SLC9A8: variants seen among roughly 807,000 people sequenced by gnomAD.
SLC9A8 encodes sodium/hydrogen exchanger 8.
Under a neutral mutation model 66.6 loss-of-function variants are expected in SLC9A8, and 48 were observed. The ratio of observed to expected loss-of-function variants is 0.72; its 90% CI spans 0.57 to 0.92. SLC9A8 has a LOEUF of 0.92. Ranked by LOEUF, SLC9A8 falls within the 40% of genes least tolerant of loss-of-function variation. The pLI is 0.00. For missense variants in SLC9A8, 599 were observed against 747.3 expected, an observed-to-expected ratio of 0.80 and a Z score of 2.31; for synonymous variants, 274 against 282.6, an observed-to-expected ratio of 0.97 and a Z score of 0.31.
chr20:49,839,419 G>T, intron 3 of SLC9A8, 122 bp from the exon 4 acceptor site: 1 of 547,474 alleles, frequency 1.8e-6, no homozygotes. Flanking sequence ...ACAAAACGAA[G>T]CTGTGCCCCA....
At position 49,845,033 on chromosome 20, in the gene SLC9A8, C is replaced by T. The variant is rs2146588812; in HGVS notation, c.349-3C>T. ...CCTTAAGATACTCATTTTCTATTTA[C>T]AGGAAGAAGAAATGTTTCGTCCAAA... On this transcript the variant is annotated splice_polypyrimidine_tract_variant and splice_region_variant and intron_variant, in intron 4 of 15. Coordinates refer to ENST00000361573, the MANE Select transcript of SLC9A8 (RefSeq NM_015266.3). 6.2e-7 allele frequency: 1 copy of T among 1,605,360 alleles called. No individual in the cohort carries two copies. The highest frequency in any genetic ancestry group is 8.5e-7 in the Non-Finnish European group (1 of 1,172,124).
chr20:49,835,435 C>T (rs1362268422), intron 3 of SLC9A8, among the ~76,000 whole-genome samples: 1 of 152,138 alleles, frequency 6.6e-6, no homozygotes, highest in East Asian at 1.9e-4. Context: ...GTTGTACTAC[C>T]ATCACCTCTA....
chr20:49,855,606 CTT>C (rs771885884), intron 8 of SLC9A8, 25 bp downstream of exon 8: 5 of 1,608,434 alleles, frequency 3.1e-6, no homozygotes, highest in Admixed American at 1.7e-5. Context: ...AGAGAACAGA[CTT>C]TTTTCATGTG....
rs1298073145 is a variant in SLC9A8, at chr20:49,815,038, C to T, written c.57C>T (p.Phe19=). The change falls in exon 2 of 16, where the codon TTC becomes TTT. Residue 19 remains phenylalanine (F), a synonymous_variant. Coordinates refer to ENST00000361573, the MANE Select transcript of SLC9A8 (RefSeq NM_015266.3). ...ERFPNTTHEG[F]NVTLHTTLVV... ...TCCCCAATACAACTCATGAGGGTTT[C>T]AATGTCACCCTCCACACCACCCTGG... 6.3e-7 allele frequency: 1 copy of T among 1,599,422 alleles called. No individual in the cohort carries two copies. The highest frequency in any genetic ancestry group is 8.5e-7 in the Non-Finnish European group (1 of 1,172,498).
At chr20:49,828,362 G>A (rs1020105016) in intron 3 of SLC9A8, among the ~76,000 whole-genome samples, 7 of 151,536 alleles carry the variant, frequency 4.6e-5, no homozygotes, top group East Asian at 3.9e-4. Context: ...GATTACAGGC[G>A]TGAGCTAATG....
chr20:49,878,062 T>C lies in SLC9A8; in HGVS notation c.1157T>C (p.Ile386Thr), dbSNP rs1380747704. The change falls in exon 12 of 16, where the codon ATA becomes ACA. Residue 386 changes from isoleucine to threonine, a missense_variant and splice_region_variant. Transcript: ENST00000361573. ...GAAATTTCCTTTGTCATCTGGTGCA[T>C]AGTAAGTATTTTCCTTTTTTTTTTT... ...KFEISFVIWC[I>T]VLVLFGRAVN... is the part of the protein sequence containing the mutation. 3 of 1,569,392 alleles carry C rather than the reference T, an allele frequency of 1.9e-6. No individual in the cohort carries two copies. The highest frequency in any genetic ancestry group is 2.8e-5 in the African/African-American group (2 of 72,708).
intron 2 of SLC9A8, 35 bp from the exon 3 acceptor site, chr20:49,823,026 T>A: frequency 6.4e-7 from 1 of 1,563,724 alleles, no homozygotes; most frequent in South Asian, 1.1e-5. Flanking sequence ...ATTGAGTGTT[T>A]TTTTTAAAAC....
At position 49,888,035 on chromosome 20, in the gene SLC9A8, C is replaced by T. The variant is rs1449166525; in HGVS notation, c.*99C>T. The T allele has an allele frequency of 5.3e-6, 5 of 937,676 alleles. No individual in the cohort carries two copies. In the Admixed American group the frequency reaches 5.9e-5, roughly 11 times the overall value. 58.1% of individuals were successfully genotyped at this position (937,676 alleles called of 1,614,324 possible). A position where few individuals can be genotyped will look rare whatever the true frequency, so the allele number is the denominator to read the frequency against. Reference sequence around the variant, plus strand: ...TCGCAGAGATGCGTGCATCCAGCAGCCCCTTCAAGACATAAGAGGGCGGGG... The same window carrying T: ...TCGCAGAGATGCGTGCATCCAGCAGTCCCTTCAAGACATAAGAGGGCGGGG... On this transcript the variant is annotated 3_prime_UTR_variant, in exon 16 of 16. Transcript: ENST00000361573.
intron 1 of SLC9A8, among the ~76,000 whole-genome samples, chr20:49,814,486 C>T (rs1600611014): frequency 6.6e-6 from 1 of 152,008 alleles, no homozygotes; most frequent in African/African-American, 2.4e-5. Context: ...TGGGTAAATT[C>T]GGGTGTGGTA....
At chr20:49,876,582 G>A (rs931062039) in intron 11 of SLC9A8, among the ~76,000 whole-genome samples, 1 of 152,120 alleles carries the variant, frequency 6.6e-6, no homozygotes, top group African/African-American at 2.4e-5. Flanking sequence ...AAAAATTGTC[G>A]AATTTTGACA....
At chr20:49,858,968 AAG>A (rs1306998493) in intron 8 of SLC9A8, among the ~76,000 whole-genome samples, 1 of 114,526 alleles carries the variant, frequency 8.7e-6, no homozygotes. Context: ...AAAAAAAAAA[AAG>A]AAAGAAAAGA....
At position 49,859,817 on chromosome 20, in the gene SLC9A8, A is replaced by T. The variant is rs142328357; in HGVS notation, c.714-3112A>T. Among the ~76,000 whole-genome samples the T allele has an allele frequency of 3.9e-3, 596 of 152,336 alleles. 6 individuals are homozygous for T. Among genetic ancestry groups the T allele is most frequent in the African/African-American group, 0.014 (573 of 41,570 alleles). On this transcript the variant is annotated intron_variant, in intron 8 of 15. Transcript: ENST00000361573. ...TTTTCTCCAGCTACAGCTTAAGCTC[A>T]TGAAATGGACCCTGAAGCAATACTC... is the stretch of plus-strand genomic sequence containing the variant.
chr20:49,846,744 T>A (rs2088013115), intron 5 of SLC9A8, among the ~76,000 whole-genome samples: 2 of 152,102 alleles, frequency 1.3e-5, no homozygotes, highest in African/African-American at 4.8e-5. Flanking sequence ...TGAAACCCCA[T>A]CTCTACTAAA....
chr20:49,823,011 T>C, intron 2 of SLC9A8, 50 bp from the exon 3 acceptor site: 2 of 1,470,938 alleles, frequency 1.4e-6, no homozygotes, highest in Non-Finnish European at 1.9e-6. Flanking sequence ...TGTTTATCAT[T>C]CAGAATTGAG....
intron 4 of SLC9A8, among the ~76,000 whole-genome samples, chr20:49,842,057 T>TA (rs1410061027): frequency 2.2e-5 from 3 of 135,832 alleles, no homozygotes; most frequent in African/African-American, 8.0e-5. Context: ...TTATTTTATT[T>TA]TATTTTTTTT....
In SLC9A8 at chr20:49,888,425, G is replaced by A. The variant is rs185307974; in HGVS notation, c.*489G>A. 596 of 160,842 alleles carry A rather than the reference G, an allele frequency of 3.7e-3. 2 individuals carry two copies. The highest frequency in any genetic ancestry group is 9.7e-3 in the Middle Eastern group (3 of 308). The allele number at this position is 160,842 out of a possible 1,614,324, so 10.0% of individuals were successfully genotyped here. ...AGCCACAATTCTGACCTAAGTGGCA[G>A]GGCCCAGAAATCCTGAAAACCTCCC... is the stretch of plus-strand genomic sequence containing the variant. On this transcript the variant is annotated 3_prime_UTR_variant, in exon 16 of 16. Transcript: ENST00000361573.
intron 14 of SLC9A8, among the ~76,000 whole-genome samples, chr20:49,884,316 ACACACACACACACACACACACC>A (rs2089800050): frequency 7.1e-6 from 1 of 141,432 alleles, no homozygotes; most frequent in African/African-American, 2.7e-5. Flanking sequence ...ACACACACAC[ACACACACACACACACACACACC>A]CCCCGGTCAT....
intron 4 of SLC9A8, among the ~76,000 whole-genome samples, chr20:49,843,777 A>C (rs575278657): frequency 6.6e-6 from 1 of 152,158 alleles, no homozygotes. Context: ...TGGTTTGGGC[A>C]TTTGTCTCCC....
At chr20:49,837,896 C>G (rs992275153) in intron 3 of SLC9A8, among the ~76,000 whole-genome samples, 5 of 152,130 alleles carry the variant, frequency 3.3e-5, no homozygotes, top group African/African-American at 1.2e-4. Context: ...TTATACTATC[C>G]TGCCCAGCTG....
Sources: allele counts gnomAD v4.1 joint callset (sites outside exome capture counted in the v4.1 genomes callset), GRCh38; gene constraint gnomAD v4.1.1; transcripts MANE v1.5; gene names NCBI Gene and HGNC (gene_info 2026-07-23, HGNC 2026-07-21).